The following LMOD3 variants were observed in gnomAD, a reference collection of about 807,000 sequenced individuals.
The protein encoded by LMOD3 is leiomodin-3.
Under a neutral mutation model 41.8 loss-of-function variants are expected in LMOD3, and 31 were observed. The observed-to-expected ratio is 0.74, with a 90% CI of 0.56 to 1.00. The LOEUF is 1.00. Ranked by LOEUF, LMOD3 falls within the 50% of genes least tolerant of loss-of-function variation. The pLI, the probability that LMOD3 is intolerant of heterozygous loss-of-function variation, is 0.00. For synonymous variants in LMOD3, 292 were observed against 241.9 expected (o/e 1.21, Z -1.92); for missense variants, 755 against 679.5 (o/e 1.11, Z -1.23).
intron 2 of LMOD3, among the ~76,000 whole-genome samples, chr3:69,110,317 C>T (rs1329168366): frequency 6.6e-6 from 1 of 151,832 alleles, no homozygotes. Flanking sequence ...ACAACCTCTG[C>T]CTCCCAGGTT....
At position 69,120,023 on chromosome 3, in the gene LMOD3, C is replaced by T. The variant is rs370401036; in HGVS notation, c.332G>A (p.Arg111His). 4.4e-5 allele frequency: 70 copies of T among 1,603,436 alleles called. No individual in the cohort carries two copies. Among genetic ancestry groups the T allele is most frequent in the East Asian group, 1.8e-4 (8 of 44,770 alleles). The change falls in exon 2 of 3, where the codon CGT becomes CAT. Residue 111 changes from arginine (R) to histidine (H), a missense_variant. By Grantham distance (29) the Arg-to-His change is conservative. Coordinates refer to ENST00000420581, the MANE Select transcript of LMOD3 (RefSeq NM_198271.5). Reference protein sequence around the residue: ...TQEEHEEIEKRNKNMAQYLKE... With the variant: ...TQEEHEEIEKHNKNMAQYLKE... ...TAAATACTGGGCCATATTTTTATTA[C>T]GTTTTTCTATTTCTTCATGCTCTTC...
At chr3:69,118,344 C>A (rs1383552529) in intron 2 of LMOD3, among the ~76,000 whole-genome samples, 3 of 152,144 alleles carry the variant, frequency 2.0e-5, no homozygotes, top group Non-Finnish European at 2.9e-5. Context: ...ATTCTCTAAG[C>A]CTCAGTATCC....
At chr3:69,116,057 T>G (rs1466326182) in intron 2 of LMOD3, among the ~76,000 whole-genome samples, 1 of 152,204 alleles carries the variant, frequency 6.6e-6, no homozygotes, top group African/African-American at 2.4e-5. Flanking sequence ...GTACTACTTT[T>G]GACCTTCTGT....
rs1361763834 is a variant in LMOD3 at position 69,119,137 on chromosome 3, T to C, written c.1218A>G (p.Lys406=). 4 of 1,613,728 alleles carry C rather than the reference T, an allele frequency of 2.5e-6. No homozygotes were observed. The highest frequency in any genetic ancestry group is 1.1e-5 in the South Asian group (1 of 91,084). ...TCTTCTGTTCCTTGAGTTGCTGCTG[T>C]TTTTGCTCTTCCTGTCGTTTCTGCC... The part of the protein sequence containing the change: ...KQRQKRQEEQ[K]QQQLKEQKKL... Residue 406 remains lysine, a synonymous_variant, in exon 2 of 3, where the codon AAA becomes AAG. Transcript: ENST00000420581.
Position 69,106,882 on chromosome 3 carries a change from T to C in LMOD3, c.*2213A>G, listed in dbSNP as rs2092325026. 1 of 147,124 alleles carries C rather than the reference T, an allele frequency of 6.8e-6. No individual in the cohort carries two copies. Among genetic ancestry groups the C allele is most frequent in the Admixed American group, 6.8e-5 (1 of 14,772 alleles). The allele number at this position is 147,124 out of a possible 1,614,324, so 9.1% of individuals were successfully genotyped here. A position where few individuals can be genotyped will look rare whatever the true frequency, so the allele number is the denominator to read the frequency against. The stretch of plus-strand genomic sequence containing the variant: ...TGTATTTTTTTTTTTTTTTTTTTTT[T>C]TTTTTAGTAGAAATGGGGTTTCACC... On this transcript the variant is annotated 3_prime_UTR_variant, in exon 3 of 3. Coordinates refer to ENST00000420581, the MANE Select transcript of LMOD3 (RefSeq NM_198271.5).
chr3:69,109,189 T>C, intron 2 of LMOD3, 68 bp from the exon 3 acceptor site: 1 of 1,353,972 alleles, frequency 7.4e-7, no homozygotes, highest in Admixed American at 2.0e-5. Flanking sequence ...TGCAGCAAAA[T>C]TTACAAAATT....
intron 1 of LMOD3, among the ~76,000 whole-genome samples, chr3:69,120,264 A>T (rs2092401105): frequency 6.6e-6 from 1 of 152,138 alleles, no homozygotes; most frequent in African/African-American, 2.4e-5. Flanking sequence ...AACCTTATTA[A>T]TTTTAATATT....
intron 2 of LMOD3, among the ~76,000 whole-genome samples, chr3:69,115,961 A>T (rs953204341): frequency 1.6e-4 from 24 of 152,204 alleles, no homozygotes; most frequent in Non-Finnish European, 2.9e-4. Context: ...TACTACACAC[A>T]CAGATGTATT....
intron 2 of LMOD3, among the ~76,000 whole-genome samples, chr3:69,113,550 G>C (rs886807800): frequency 6.6e-6 from 1 of 152,204 alleles, no homozygotes; most frequent in African/African-American, 2.4e-5. Flanking sequence ...GGAGTCTTTT[G>C]ATGTACTAAG....
At chr3:69,110,519 C>T (rs556375955) in intron 2 of LMOD3, among the ~76,000 whole-genome samples, 39 of 151,216 alleles carry the variant, frequency 2.6e-4, no homozygotes, top group East Asian at 1.8e-3. Flanking sequence ...TGTGAGCCAC[C>T]GCACCCAGCC....
At chr3:69,113,275 C>T (rs1025585916) in intron 2 of LMOD3, among the ~76,000 whole-genome samples, 6 of 152,022 alleles carry the variant, frequency 3.9e-5, no homozygotes, top group African/African-American at 4.8e-5. Flanking sequence ...ACAGATTGAA[C>T]GTGCTAAGAA....
In LMOD3 at chr3:69,109,113, C is replaced by G; in HGVS notation, c.1665G>C (p.Leu555=). ...SSVAYLKPVQ[L]PKELA The stretch of plus-strand genomic sequence containing the variant: ...TTGCCTCTTACGCCAGTTCTTTTGG[C>G]AGTTGCACCTGCGATTTAAGCATTT... Residue 555 remains leucine, a synonymous_variant, in exon 3 of 3, where the codon CTG becomes CTC. Transcript: ENST00000420581. The G allele has an allele frequency of 6.2e-7, 1 of 1,602,444 alleles. No individual in the cohort carries two copies. Among genetic ancestry groups the G allele is most frequent in the Non-Finnish European group, 8.5e-7 (1 of 1,174,228 alleles).
At chr3:69,114,452 C>T (rs1233048135) in intron 2 of LMOD3, among the ~76,000 whole-genome samples, 1 of 151,978 alleles carries the variant, frequency 6.6e-6, no homozygotes. Flanking sequence ...ATTTTTTTGC[C>T]AGCAACTTCA....
At chr3:69,121,216 G>C in intron 1 of LMOD3, among the ~76,000 whole-genome samples, 1 of 152,164 alleles carries the variant, frequency 6.6e-6, no homozygotes, top group East Asian at 1.9e-4. Flanking sequence ...TCTGCAAATT[G>C]TACCTTGAAC....
rs1233967516 is a variant in LMOD3, at chr3:69,108,045, G to C, written c.*1050C>G. 2 of 152,182 alleles carry C rather than the reference G, an allele frequency of 1.3e-5. No homozygotes were observed. The allele number at this position is 152,182 out of a possible 1,614,324, so 9.4% of individuals were successfully genotyped here. A position where few individuals can be genotyped will look rare whatever the true frequency, so the allele number is the denominator to read the frequency against. ...GCAAAGGCACAAGGGTGTGCACAAG[G>C]ATGTTTCATCGAGTAGAGTATAAAG... On this transcript the variant is annotated 3_prime_UTR_variant, in exon 3 of 3. Coordinates refer to ENST00000420581, the MANE Select transcript of LMOD3 (RefSeq NM_198271.5).
rs991202694 is a variant in LMOD3 at position 69,115,193 on chromosome 3, A to C, written c.1656+3506T>G. On this transcript the variant is annotated intron_variant, in intron 2 of 2. Transcript: ENST00000420581. The stretch of plus-strand genomic sequence containing the variant: ...CAGCCAGTAACTACAATTTAAAAAA[A>C]TTTTTCTGTCGAGCATGGTGGCTGA... Among the ~76,000 whole-genome samples the C allele has an allele frequency of 5.9e-5, 9 of 152,100 alleles. No individual in the cohort carries two copies. In the East Asian group the frequency reaches 1.7e-3, roughly 29 times the overall value.
chr3:69,120,092 A>C, intron 1 of LMOD3, 32 bp from the exon 2 acceptor site: 1 of 1,541,130 alleles, frequency 6.5e-7, no homozygotes, highest in South Asian at 1.3e-5. Context: ...GTTAGAATAC[A>C]TAGCAGAGAA....
chr3:69,115,483 AACACACACACACACACAC>A (rs10604147), intron 2 of LMOD3, among the ~76,000 whole-genome samples: 4 of 144,932 alleles, frequency 2.8e-5, no homozygotes, highest in African/African-American at 1.0e-4. Context: ...TCCTGCCTCA[AACACACACACACACACAC>A]ACACACACAC....
intron 2 of LMOD3, among the ~76,000 whole-genome samples, chr3:69,114,575 T>C (rs934342525): frequency 1.3e-5 from 2 of 150,982 alleles, no homozygotes; most frequent in African/African-American, 2.4e-5. Flanking sequence ...TGGCACCATC[T>C]TGGCTCACTG....
Sources: gnomAD v4.1 joint callset for allele counts (sites outside exome capture counted in the v4.1 genomes callset) on GRCh38, gnomAD v4.1.1 for gene constraint, MANE v1.5 for transcripts, NCBI Gene and HGNC (gene_info 2026-07-23, HGNC 2026-07-21) for gene names.